C11orf65: variants seen among roughly 807,000 people sequenced by gnomAD.
The protein encoded by C11orf65 is protein MFI.
In C11orf65, 38 loss-of-function variants were observed where a neutral mutation model predicts 35.3. That is an observed-to-expected ratio of 1.08 (90% confidence interval 0.83 to 1.41). C11orf65 has a LOEUF of 1.41. C11orf65 is among the 40% of genes most tolerant of loss of function. C11orf65 has a pLI of 0.00. For missense variants in C11orf65, 370 were observed against 367.1 expected, an observed-to-expected ratio of 1.01 and a Z score of -0.06; for synonymous variants, 105 against 114.4, an observed-to-expected ratio of 0.92 and a Z score of 0.53.
chr11:108,466,748 CTTAT>C (rs1223926994), intron 1 of C11orf65, among the ~76,000 whole-genome samples: 1 of 152,128 alleles, frequency 6.6e-6, no homozygotes, highest in Admixed American at 6.5e-5. Flanking sequence ...GATGTTTTCA[CTTAT>C]TTATTTTTAC....
downstream of C11orf65, among the ~76,000 whole-genome samples, chr11:108,381,315 G>A (rs1228504809): frequency 6.6e-6 from 1 of 152,170 alleles, no homozygotes; most frequent in East Asian, 1.9e-4. Context: ...TGTAGCCACT[G>A]GATGCATGTA....
intron 2 of C11orf65, among the ~76,000 whole-genome samples, chr11:108,443,076 C>T (rs1213309897): frequency 1.3e-5 from 2 of 152,146 alleles, no homozygotes; most frequent in Non-Finnish European, 2.9e-5. Context: ...GGAGACCCAT[C>T]TCATGTGCAG....
chr11:108,412,366 T>C (rs537116950), intron 3 of C11orf65, among the ~76,000 whole-genome samples: 50 of 151,630 alleles, frequency 3.3e-4, no homozygotes, highest in Admixed American at 9.8e-4. Context: ...TAAATATCGA[T>C]TGAACTATAT....
downstream of C11orf65, among the ~76,000 whole-genome samples, chr11:108,378,206 C>G (rs1464372355): frequency 8.6e-5 from 13 of 152,030 alleles, no homozygotes; most frequent in Non-Finnish European, 1.5e-5. Flanking sequence ...AAGCTGGAGG[C>G]ATCACGCTAC....
intron 2 of C11orf65, among the ~76,000 whole-genome samples, chr11:108,434,504 CAAA>C (rs758864952): frequency 2.8e-5 from 3 of 108,624 alleles, no homozygotes; most frequent in Admixed American, 9.5e-5. Flanking sequence ...GACTCTGTCT[CAAA>C]AAAAAAAAAA....
intron 2 of C11orf65, among the ~76,000 whole-genome samples, chr11:108,357,015 G>A (rs1320638169): frequency 6.6e-6 from 1 of 152,214 alleles, no homozygotes; most frequent in East Asian, 1.9e-4. Context: ...GGTGATTTCT[G>A]CATTTCCATC....
At chr11:108,352,571 TAAC>T (rs1443799473) in intron 2 of C11orf65, among the ~76,000 whole-genome samples, 2 of 152,096 alleles carry the variant, frequency 1.3e-5, no homozygotes, top group African/African-American at 4.8e-5. Flanking sequence ...TCTCAAAACT[TAAC>T]AACAAAATCT....
chr11:108,449,589 A>G (rs1011950297), intron 2 of C11orf65, among the ~76,000 whole-genome samples: 2 of 152,024 alleles, frequency 1.3e-5, no homozygotes, highest in African/African-American at 4.8e-5. Flanking sequence ...CCATAGGTAG[A>G]AAGCTGAAAC....
chr11:108,325,034 T>A (rs1400495251), intron 6 of C11orf65, among the ~76,000 whole-genome samples: 1 of 152,204 alleles, frequency 6.6e-6, no homozygotes, highest in African/African-American at 2.4e-5. Flanking sequence ...TTAGAAGGGC[T>A]GCTTTTTGTA....
chr11:108,447,264 A>T (rs2135584855), intron 2 of C11orf65, among the ~76,000 whole-genome samples: 1 of 152,268 alleles, frequency 6.6e-6, no homozygotes, highest in East Asian at 1.9e-4. Context: ...AATTGAACTC[A>T]GCTCTGCACC....
intron 2 of C11orf65, among the ~76,000 whole-genome samples, chr11:108,448,237 C>T (rs1156411947): frequency 6.6e-6 from 1 of 152,198 alleles, no homozygotes; most frequent in Admixed American, 6.5e-5. Context: ...CCTTCTGAAA[C>T]TATTCCAATC....
At chr11:108,331,069 CT>C, downstream of C11orf65, 1 of 682,788 alleles carries the variant, frequency 1.5e-6, no homozygotes, top group Non-Finnish European at 1.9e-6. Flanking sequence ...CTAAATATTA[CT>C]TTTGGCCTAT....
intron 1 of C11orf65, among the ~76,000 whole-genome samples, chr11:108,464,345 GGA>G (rs1491202919): frequency 0.28 from 42,609 of 151,830 alleles, 7,113 homozygotes; most frequent in Middle Eastern, 0.53. Context: ...TCGCCAGGCT[GGA>G]ATGCAGTGGA....
intron 2 of C11orf65, among the ~76,000 whole-genome samples, chr11:108,460,811 C>G (rs1376841760): frequency 6.6e-6 from 1 of 152,038 alleles, no homozygotes; most frequent in Non-Finnish European, 1.5e-5. Flanking sequence ...TCACAACCTC[C>G]GCCTCCCAAG....
chr11:108,447,010 C>A (rs1011997980), intron 2 of C11orf65, among the ~76,000 whole-genome samples: 2 of 151,980 alleles, frequency 1.3e-5, no homozygotes, highest in African/African-American at 4.8e-5. Context: ...AGACTTTAAA[C>A]CAACAAAGAT....
intron 1 of C11orf65, among the ~76,000 whole-genome samples, chr11:108,463,419 C>T (rs1591626067): frequency 6.6e-6 from 1 of 152,120 alleles, no homozygotes; most frequent in Non-Finnish European, 1.5e-5. Context: ...TTTAAATTCA[C>T]ATTTTTAAGA....
chr11:108,412,164 A>G (rs2092669857), intron 3 of C11orf65, among the ~76,000 whole-genome samples: 1 of 152,180 alleles, frequency 6.6e-6, no homozygotes, highest in East Asian at 1.9e-4. Flanking sequence ...TGCCTCAAAA[A>G]TAATAAACAG....
chr11:108,329,570 C>G (rs1415987587), downstream of C11orf65, among the ~76,000 whole-genome samples: 2 of 152,028 alleles, frequency 1.3e-5, no homozygotes, highest in Non-Finnish European at 2.9e-5. Context: ...CACGCCATAC[C>G]TGGCTAATTT....
At chr11:108,364,589 G>A (rs1275992030) in intron 2 of C11orf65, among the ~76,000 whole-genome samples, 2 of 152,146 alleles carry the variant, frequency 1.3e-5, no homozygotes, top group Non-Finnish European at 2.9e-5. Flanking sequence ...AGAGCCATAG[G>A]AATAGGGTGG....
Sources: gnomAD v4.1 joint callset for allele counts (sites outside exome capture counted in the v4.1 genomes callset) on GRCh38, gnomAD v4.1.1 for gene constraint, MANE v1.5 for transcripts, NCBI Gene and HGNC (gene_info 2026-07-23, HGNC 2026-07-21) for gene names.